DSCAM: variants seen among roughly 807,000 people sequenced by gnomAD.
DSCAM encodes DS cell adhesion molecule, also known as cell adhesion molecule DSCAM.
Under a neutral mutation model 217.7 loss-of-function variants are expected in DSCAM, and 47 were observed. The observed-to-expected ratio is 0.22, with a 90% CI of 0.17 to 0.28. The LOEUF is 0.28. DSCAM is among the 10% of genes least tolerant of loss of function. The pLI is 1.00. For synonymous variants in DSCAM, 1,056 were observed against 1,015.3 expected (o/e 1.04, Z -0.76); for missense variants, 2,080 against 2,618.3 (o/e 0.79, Z 4.49).
intron 1 of DSCAM, among the ~76,000 whole-genome samples, chr21:40,783,270 G>A (rs1021928224): frequency 4.6e-5 from 7 of 152,184 alleles, no homozygotes; most frequent in African/African-American, 1.7e-4. Context: ...AATAGATGAG[G>A]TGCGGGCACA....
At chr21:40,212,360 G>A (rs2091194242) in intron 11 of DSCAM, 2 of 154,024 alleles carry the variant, frequency 1.3e-5, no homozygotes, top group Non-Finnish European at 2.9e-5. Flanking sequence ...TAGCCATGGG[G>A]TTTAGATTGA....
intron 3 of DSCAM, among the ~76,000 whole-genome samples, chr21:40,424,324 C>T (rs2075452127): frequency 6.6e-6 from 1 of 152,092 alleles, no homozygotes. Flanking sequence ...GGATGGGTGC[C>T]AGTTCAATAT....
intron 8 of DSCAM, among the ~76,000 whole-genome samples, chr21:40,329,343 T>TA (rs2074350677): frequency 6.6e-6 from 1 of 151,980 alleles, no homozygotes; most frequent in Non-Finnish European, 1.5e-5. Context: ...AGGGACAAGT[T>TA]AAAATAAAAC....
chr21:40,542,633 G>A (rs140162436), intron 3 of DSCAM, among the ~76,000 whole-genome samples: 35 of 152,300 alleles, frequency 2.3e-4, no homozygotes, highest in African/African-American at 7.7e-4. Context: ...AGGAAGCAAG[G>A]CTTCCCCAGA....
intron 28 of DSCAM, among the ~76,000 whole-genome samples, chr21:40,058,411 G>T (rs989780662): frequency 1.3e-5 from 2 of 152,110 alleles, no homozygotes; most frequent in East Asian, 3.9e-4. Flanking sequence ...ATACTTAGTT[G>T]ATTTATCTTA....
Position 40,347,847 on chromosome 21 carries a change from G to A in DSCAM, c.1033C>T (p.Leu345Phe). ...CSVTGTEDQE[L>F]SWYRNGEILN... is the part of the protein sequence containing the mutation. ...ATTTCACCATTGCGGTACCAGGAGA[G>A]TTCCTGGTCCTCAGTTCCTGTCACG... Residue 345 changes from leucine to phenylalanine, a missense_variant, in exon 6 of 33, where the codon CTC becomes TTC. This residue lies in a region of DSCAM where 568 missense variants were observed against 678.1 expected (regional missense o/e 0.84). Transcript: ENST00000400454. The A allele has an allele frequency of 1.2e-6, 2 of 1,614,124 alleles. No homozygotes were observed. Among genetic ancestry groups the A allele is most frequent in the Non-Finnish European group, 1.7e-6 (2 of 1,179,988 alleles).
chr21:40,752,257 C>T (rs2091236738), intron 1 of DSCAM, among the ~76,000 whole-genome samples: 1 of 152,134 alleles, frequency 6.6e-6, no homozygotes, highest in Non-Finnish European at 1.5e-5. Flanking sequence ...TCTGCTGTAA[C>T]CTCTTCTTTT....
At chr21:40,647,912 T>G (rs1163736767) in intron 3 of DSCAM, among the ~76,000 whole-genome samples, 3 of 152,142 alleles carry the variant, frequency 2.0e-5, no homozygotes, top group Non-Finnish European at 4.4e-5. Flanking sequence ...TCTTCCACAT[T>G]GAATGTGCCA....
chr21:40,088,324 G>T (rs1415134318), intron 21 of DSCAM, among the ~76,000 whole-genome samples: 1 of 152,146 alleles, frequency 6.6e-6, no homozygotes, highest in East Asian at 1.9e-4. Flanking sequence ...TGGGTTGAGG[G>T]TTTGCATTGG....
At chr21:40,238,730 G>A (rs1287838961) in intron 11 of DSCAM, among the ~76,000 whole-genome samples, 1 of 152,098 alleles carries the variant, frequency 6.6e-6, no homozygotes, top group East Asian at 1.9e-4. Context: ...GGCTTGACAT[G>A]GCCTTAAATG....
In DSCAM at chr21:40,732,440, A is replaced by G. The variant is rs144542578; in HGVS notation, c.44-23669T>C. On this transcript the variant is annotated intron_variant, in intron 1 of 32. Coordinates refer to ENST00000400454, the MANE Select transcript of DSCAM (RefSeq NM_001389.5). ...AATATCTAGTCTCTTACTCATTCCA[A>G]TTAAGAGTCATGAAATCACAAGAAG... 3.6e-3 allele frequency among the ~76,000 whole-genome samples: 542 copies of G among 152,352 alleles called. 3 individuals carry two copies. The highest frequency in any genetic ancestry group is 0.013 in the African/African-American group (526 of 41,588).
Position 40,078,727 on chromosome 21 carries a change from C to T in DSCAM, c.4671G>A (p.Ala1557=), listed in dbSNP as rs143402877. The change falls in exon 26 of 33, where the codon GCG becomes GCA. Residue 1557 remains alanine, a synonymous_variant. Coordinates refer to ENST00000400454, the MANE Select transcript of DSCAM (RefSeq NM_001389.5). The part of the protein sequence containing the change: ...QMRVCNSAGC[A]EKQANFATLN... ...GCGTAGCGAAGTTGGCCTGCTTCTC[C>T]GCGCAGCCCGCACTGTTGCACACCC... 52 of 1,614,210 alleles carry T rather than the reference C, an allele frequency of 3.2e-5. No individual in the cohort carries two copies. The highest frequency in any genetic ancestry group is 1.2e-4 in the Admixed American group (7 of 60,030).
chr21:40,354,278 TG>T (rs1312323970), intron 4 of DSCAM, among the ~76,000 whole-genome samples: 1 of 152,236 alleles, frequency 6.6e-6, no homozygotes, highest in Non-Finnish European at 1.5e-5. Flanking sequence ...TACACTGATT[TG>T]ATTTTAACAA....
intron 11 of DSCAM, among the ~76,000 whole-genome samples, chr21:40,212,165 T>C (rs1223011210): frequency 6.6e-6 from 1 of 151,964 alleles, no homozygotes; most frequent in Non-Finnish European, 1.5e-5. Flanking sequence ...AGACAGGGTT[T>C]CTCTGTGTTG....
chr21:40,121,950 C>T (rs546329101), intron 20 of DSCAM, among the ~76,000 whole-genome samples: 2 of 152,190 alleles, frequency 1.3e-5, no homozygotes, highest in African/African-American at 2.4e-5. Context: ...CTTGGCTTCC[C>T]AAAGTGCTGG....
chr21:40,643,184 A>C (rs913071098), intron 3 of DSCAM, among the ~76,000 whole-genome samples: 1 of 152,204 alleles, frequency 6.6e-6, no homozygotes, highest in African/African-American at 2.4e-5. Context: ...ACTGCCTGTA[A>C]ATACACAATG....
intron 1 of DSCAM, among the ~76,000 whole-genome samples, chr21:40,796,900 AT>A (rs2091696331): frequency 6.6e-6 from 1 of 152,240 alleles, no homozygotes; most frequent in Non-Finnish European, 1.5e-5. Context: ...AGACAAGAGT[AT>A]CCACTTATTT....
At chr21:40,175,603 T>C (rs551793535) in intron 15 of DSCAM, among the ~76,000 whole-genome samples, 8 of 152,188 alleles carry the variant, frequency 5.3e-5, no homozygotes, top group African/African-American at 1.7e-4. Flanking sequence ...GGCATACTGA[T>C]GCTATTAATG....
rs1178872707 is a variant in DSCAM at position 40,620,273 on chromosome 21, AAGAG to A, written c.508+72533_508+72536del. ...GAGAGAGAAAAAAGAAAAAGAAAGA[AAGAG>A]AGAAAGAGAGAGAAAAAAGAAAAAG... On this transcript the variant is annotated intron_variant, in intron 3 of 32. Transcript: ENST00000400454. Among the ~76,000 whole-genome samples the A allele has an allele frequency of 1.8e-4, 19 of 106,284 alleles. 1 individual carries two copies. Among genetic ancestry groups the A allele is most frequent in the Admixed American group, 1.4e-3 (16 of 11,184 alleles). 69.7% of individuals were successfully genotyped at this position (106,284 alleles called of 152,430 possible).
Sources: gnomAD v4.1 joint callset for allele counts (sites outside exome capture counted in the v4.1 genomes callset) on GRCh38, gnomAD v4.1.1 for gene constraint, gnomAD v4.1.1 regional missense constraint, MANE v1.5 for transcripts, NCBI Gene and HGNC (gene_info 2026-07-23, HGNC 2026-07-21) for gene names.